The following GRAMD4 variants were observed in gnomAD, a reference collection of about 807,000 sequenced individuals.
GRAMD4 encodes GRAM domain-containing protein 4.
Under a neutral mutation model 83.9 loss-of-function variants are expected in GRAMD4, and 25 were observed. The observed-to-expected ratio is 0.30, with a 90% confidence interval of 0.22 to 0.42. The LOEUF is 0.42. GRAMD4 is among the 10% of genes least tolerant of loss of function. GRAMD4 has a pLI of 1.00. For missense variants in GRAMD4, 593 were observed against 788.7 expected (o/e 0.75, Z 2.97); for synonymous variants, 336 against 320.9 (o/e 1.05, Z -0.50).
chr22:46,620,248 T>G, upstream of GRAMD4: 2 of 935,174 alleles, frequency 2.1e-6, no homozygotes, highest in Non-Finnish European at 2.6e-6. The surrounding 1 kb of genome is among the most constrained non-coding windows in gnomAD (Gnocchi z 4.7). Context: ...GCAGCATGCT[T>G]TTGTGTTCCA....
chr22:46,631,409 G>T (rs887527795), intron 2 of GRAMD4, among the ~76,000 whole-genome samples: 1 of 149,494 alleles, frequency 6.7e-6, no homozygotes, highest in Non-Finnish European at 1.5e-5. Context: ...ACCGGGGATG[G>T]GTAGAACCTC....
rs12169933 is a variant in GRAMD4, at chr22:46,614,214, G to A, written c.-49-12537G>A. The stretch of plus-strand genomic sequence containing the variant: ...TGCCGAGGTTCCCTGGGCCTGCCGC[G>A]CGTGGCAGAAACGCTGTGCAATGAT... On this transcript the variant is annotated intron_variant, in intron 1 of 1. Transcript: ENST00000431155. Among the ~76,000 whole-genome samples the A allele has an allele frequency of 6.8e-3, 1,043 of 152,340 alleles. 13 individuals are homozygous for A. Among genetic ancestry groups the A allele is most frequent in the African/African-American group, 0.024 (990 of 41,564 alleles).
At chr22:46,607,563 ATGCTCCCTGCCTT>A (rs1447606798) in intron 1 of GRAMD4, among the ~76,000 whole-genome samples, 1 of 151,964 alleles carries the variant, frequency 6.6e-6, no homozygotes, top group Non-Finnish European at 1.5e-5. Context: ...GATTCGCCCG[ATGCTCCCTGCCTT>A]TGCTCCTCCC....
chr22:46,626,683 T>G, intron 1 of GRAMD4, 68 bp from the exon 2 acceptor site: 3 of 958,526 alleles, frequency 3.1e-6, no homozygotes, highest in Non-Finnish European at 4.8e-6. Flanking sequence ...CTGTGCCCTG[T>G]GTGTGGGAGC....
At position 46,659,592 on chromosome 22, in the gene GRAMD4, GCTC is replaced by G. The variant is rs2082298096; in HGVS notation, c.404+1287_404+1289del. 6.6e-6 allele frequency among the ~76,000 whole-genome samples: 1 copy of G among 152,238 alleles called. No homozygotes were observed. Among genetic ancestry groups the G allele is most frequent in the African/African-American group, 2.4e-5 (1 of 41,456 alleles). Reference sequence around the variant, plus strand: ...CTGCTTAGCTGGCCCTGAGGAAGCGGCTCCCTTCAGCACCCTCAGGTTTAGTGT... The same window carrying G: ...CTGCTTAGCTGGCCCTGAGGAAGCGGCCTTCAGCACCCTCAGGTTTAGTGT... On this transcript the variant is annotated intron_variant, in intron 4 of 18. Transcript: ENST00000406902. The surrounding 1 kb of genome is among the most constrained non-coding windows in gnomAD (Gnocchi z 4.1).
In GRAMD4 at chr22:46,667,990, G is replaced by T. The variant is rs549322904; in HGVS notation, c.859-106G>T. On this transcript the variant is annotated intron_variant, in intron 10 of 18. Transcript: ENST00000406902. ...ATGTCCCATCCCCCCTGGCTGTGTG[G>T]GGACAGCAGAGTCCCTGGGGCTGGG... is the stretch of plus-strand genomic sequence containing the variant. 193 of 759,976 alleles carry T rather than the reference G, an allele frequency of 2.5e-4. 1 individual carries two copies. The East Asian group carries it at 5.0e-3, about 20-fold the overall frequency. The allele number at this position is 759,976 out of a possible 1,614,324, so 47.1% of individuals were successfully genotyped here.
chr22:46,591,529 C>T (rs2081207721), intron 1 of GRAMD4, among the ~76,000 whole-genome samples: 1 of 151,446 alleles, frequency 6.6e-6, no homozygotes, highest in Non-Finnish European at 1.5e-5. Context: ...TCCTAGGTTG[C>T]ATCCCTCATA....
chr22:46,651,110 G>C (rs957394271), intron 3 of GRAMD4, among the ~76,000 whole-genome samples: 10 of 152,172 alleles, frequency 6.6e-5, no homozygotes, highest in African/African-American at 2.4e-4. Context: ...TGAGACGGCT[G>C]ATGTGCCTTC....
At chr22:46,640,645 C>G (rs2147236477) in intron 3 of GRAMD4, among the ~76,000 whole-genome samples, 1 of 152,266 alleles carries the variant, frequency 6.6e-6, no homozygotes, top group South Asian at 2.1e-4. Flanking sequence ...GGGTGGTGAG[C>G]ACGGGGATTA....
At chr22:46,650,044 GC>G (rs943114277) in intron 3 of GRAMD4, among the ~76,000 whole-genome samples, 25 of 152,352 alleles carry the variant, frequency 1.6e-4, no homozygotes, top group African/African-American at 5.8e-4. Context: ...GCCAGGTGGG[GC>G]CTCTGGGTGT....
Position 46,579,992 on chromosome 22 carries a change from A to AC in GRAMD4, c.-50+2707dup, listed in dbSNP as rs560344176. Among the ~76,000 whole-genome samples the AC allele has an allele frequency of 5.1e-4, 78 of 151,782 alleles. No individual in the cohort carries two copies. The South Asian group carries it at 0.013, about 25-fold the overall frequency. On this transcript the variant is annotated intron_variant, in intron 1 of 1. Transcript: ENST00000431155. ...CAGGGACTGGCTGGGTGGCCTGGTC[A>AC]CCCCCTGCCTGAGTTCCTGCCTCCT... is the stretch of plus-strand genomic sequence containing the variant.
chr22:46,598,745 C>G (rs952028047), intron 1 of GRAMD4, among the ~76,000 whole-genome samples: 8 of 151,790 alleles, frequency 5.3e-5, no homozygotes, highest in Non-Finnish European at 1.0e-4. Flanking sequence ...GAAATTGGAA[C>G]TAGGAGCTGA....
intron 1 of GRAMD4, among the ~76,000 whole-genome samples, chr22:46,611,184 C>T (rs943676708): frequency 8.6e-5 from 13 of 151,188 alleles, no homozygotes; most frequent in Non-Finnish European, 1.5e-4. Context: ...CCATTGCAGT[C>T]CAGCCTGGGT....
chr22:46,594,739 A>G (rs901079566), intron 1 of GRAMD4, among the ~76,000 whole-genome samples: 1 of 141,898 alleles, frequency 7.0e-6, no homozygotes, highest in Non-Finnish European at 1.5e-5. Context: ...TCCTGGTCCC[A>G]GGTGAGGTGG....
chr22:46,632,640 C>G (rs948592370), intron 2 of GRAMD4, among the ~76,000 whole-genome samples: 2 of 152,130 alleles, frequency 1.3e-5, no homozygotes, highest in African/African-American at 2.4e-5. Flanking sequence ...AGGGCAGCAC[C>G]CCAGGGCCTT....
chr22:46,671,086 T>C, intron 13 of GRAMD4: 1 of 469,370 alleles, frequency 2.1e-6, no homozygotes, highest in Non-Finnish European at 4.4e-6. Flanking sequence ...GGGCAGAGGC[T>C]GCCTGCTCCA....
At chr22:46,609,866 T>C (rs2081400765) in intron 1 of GRAMD4, among the ~76,000 whole-genome samples, 2 of 152,204 alleles carry the variant, frequency 1.3e-5, no homozygotes, top group Non-Finnish European at 1.5e-5. Context: ...GAGGCGCCTC[T>C]CTGAAACCTG....
intron 8 of GRAMD4, 131 bp downstream of exon 8, chr22:46,664,248 T>G (rs1446775302): frequency 5.7e-6 from 4 of 700,116 alleles, no homozygotes; most frequent in Non-Finnish European, 1.0e-5. Context: ...AGGGACATGC[T>G]CATTTCTCCT....
chr22:46,588,585 G>C (rs573040524), intron 1 of GRAMD4, among the ~76,000 whole-genome samples: 1 of 152,242 alleles, frequency 6.6e-6, no homozygotes, highest in African/African-American at 2.4e-5. Context: ...TTAGCCATCA[G>C]CTGCCTTTGG....
Sources: gnomAD v4.1 joint callset for allele counts (sites outside exome capture counted in the v4.1 genomes callset) on GRCh38, gnomAD v4.1.1 for gene constraint, Gnocchi (gnomAD v3.1) non-coding constraint, MANE v1.5 for transcripts, NCBI Gene and HGNC (gene_info 2026-07-23, HGNC 2026-07-21) for gene names.